SREBF1: variants seen among roughly 807,000 people sequenced by gnomAD.
SREBF1 encodes the protein sterol regulatory element binding transcription factor 1.
Under a neutral mutation model 100.1 loss-of-function variants are expected in SREBF1, and 45 were observed. The ratio of observed to expected loss-of-function variants is 0.45; its 90% CI spans 0.35 to 0.58. The LOEUF (loss-of-function observed/expected upper bound fraction) is 0.58, where lower values mean the gene tolerates loss of function less well. Among genes scored for constraint, SREBF1 ranks in the 20% least tolerant of loss-of-function variants. SREBF1 has a pLI of 0.00. For synonymous variants in SREBF1, 657 were observed against 681.8 expected, an observed-to-expected ratio of 0.96 and a Z score of 0.57; for missense variants, 1,324 against 1,539.4, an observed-to-expected ratio of 0.86 and a Z score of 2.34.
intron 18 of SREBF1, chr17:17,813,084 T>A: frequency 1.7e-6 from 1 of 603,098 alleles, no homozygotes; most frequent in Non-Finnish European, 2.9e-6. Flanking sequence ...CCCCACTGAT[T>A]CCTTGTGAAA....
intron 1 of SREBF1, among the ~76,000 whole-genome samples, chr17:17,830,308 C>T (rs1257450937): frequency 6.6e-6 from 1 of 152,244 alleles, no homozygotes; most frequent in Non-Finnish European, 1.5e-5. Flanking sequence ...AGATTATAGG[C>T]GTGAGCCACT....
Position 17,816,205 on chromosome 17 carries a change from A to ACCCCCGCCACCCCACCC in SREBF1, c.2214+1_2214+2insGGGTGGGGTGGCGGGGG. 3 of 1,123,418 alleles carry ACCCCCGCCACCCCACCC rather than the reference A, an allele frequency of 2.7e-6. No homozygotes were observed. The highest frequency in any genetic ancestry group is 3.4e-6 in the Non-Finnish European group (3 of 883,182). The allele number at this position is 1,123,418 out of a possible 1,614,324, so 69.6% of individuals were successfully genotyped here. A position where few individuals can be genotyped will look rare whatever the true frequency, so the allele number is the denominator to read the frequency against. ...AAGCCCCCAGCCCCCCAACCCACTCACTGTCAGAAAATGCAAGGCCCGTGG... is the reference window on the plus strand; with the variant it reads ...AAGCCCCCAGCCCCCCAACCCACTCACCCCCGCCACCCCACCCCTGTCAGAAAATGCAAGGCCCGTGG... On this transcript the variant is annotated splice_donor_variant, in intron 11 of 18. Coordinates refer to ENST00000261646, the MANE Select transcript of SREBF1 (RefSeq NM_004176.5). LOFTEE classifies it high-confidence loss of function.
rs777420812 is a variant in SREBF1 at position 17,819,650 on chromosome 17, G to A, written c.599C>T (p.Ser200Phe). ...LASPPGVPPVSLHTQVQSVVP... is the reference protein window; with the variant it reads ...LASPPGVPPVFLHTQVQSVVP... Reference sequence around the variant, plus strand: ...CACACTCTGGACCTGGGTGTGCAAGGAGACGGGCGGGACCCCTGGCGGGGA... The same window carrying A: ...CACACTCTGGACCTGGGTGTGCAAGAAGACGGGCGGGACCCCTGGCGGGGA... Residue 200 changes from serine (S) to phenylalanine (F), a missense_variant, in exon 3 of 19, where the codon TCC becomes TTC. Coordinates refer to ENST00000261646, the MANE Select transcript of SREBF1 (RefSeq NM_004176.5). 1 of 1,612,538 alleles carries A rather than the reference G, an allele frequency of 6.2e-7. No individual in the cohort carries two copies. Among genetic ancestry groups the A allele is most frequent in the South Asian group, 1.1e-5 (1 of 91,020 alleles).
Position 17,815,296 on chromosome 17 carries a change from C to G in SREBF1, c.2417G>C (p.Arg806Pro). ...DPLAQVTQLFREHLLERALNC... is the reference protein window; with the variant it reads ...DPLAQVTQLFPEHLLERALNC... ...CAGTGCTCGCTCTAAGAGATGTTCC[C>G]GGAATAGCTGAGTCACCTGGGCCAG... Residue 806 changes from arginine (R) to proline (P), a missense_variant, in exon 13 of 19, where the codon CGG becomes CCG. Transcript: ENST00000261646. 6.2e-7 allele frequency: 1 copy of G among 1,613,606 alleles called. No individual in the cohort carries two copies. Among genetic ancestry groups the G allele is most frequent in the Non-Finnish European group, 8.5e-7 (1 of 1,179,966 alleles).
At chr17:17,830,657 G>C (rs921285030) in intron 1 of SREBF1, among the ~76,000 whole-genome samples, 1 of 152,196 alleles carries the variant, frequency 6.6e-6, no homozygotes, top group Non-Finnish European at 1.5e-5. Context: ...AACAGGGTTC[G>C]GGGTAGGCCA....
In SREBF1 at chr17:17,813,751, A is replaced by G; in HGVS notation, c.2920T>C (p.Cys974Arg). The stretch of plus-strand genomic sequence containing the variant: ...GTGCGCACCACAAGAAGCAGGTCAC[A>G]CAGGAACAGCTGCACGGCCTGGGGG... Reference protein sequence around the residue: ...SIDKAVQLFLCDLLLVVRTSL... With the variant: ...SIDKAVQLFLRDLLLVVRTSL... Residue 974 changes from cysteine (C) to arginine (R), a missense_variant, in exon 17 of 19, where the codon TGT (cysteine) becomes CGT (arginine). By Grantham distance (180) the Cys-to-Arg change is radical. Coordinates refer to ENST00000261646, the MANE Select transcript of SREBF1 (RefSeq NM_004176.5). The G allele has an allele frequency of 6.5e-7, 1 of 1,535,468 alleles. No individual in the cohort carries two copies. Among genetic ancestry groups the G allele is most frequent in the Non-Finnish European group, 8.7e-7 (1 of 1,146,792 alleles).
At position 17,817,133 on chromosome 17, in the gene SREBF1, C is replaced by T. The variant is rs1209320333; in HGVS notation, c.1610G>A (p.Gly537Asp). The T allele has an allele frequency of 1.2e-6, 2 of 1,613,144 alleles. No homozygotes were observed. Among genetic ancestry groups the T allele is most frequent in the South Asian group, 1.1e-5 (1 of 91,090 alleles). Residue 537 changes from glycine to aspartate, a missense_variant, in exon 9 of 19, where the codon GGC (glycine) becomes GAC (aspartate). Physicochemically the swap from Gly to Asp is moderately conservative, Grantham distance 94. Transcript: ENST00000261646. This position sits in a 1 kb window ranked among gnomAD's most constrained non-coding sequence, Gnocchi z 6.6. ...CAGCAGCCACTGGGCCCAGCCAGGG[C>T]CATCTATGGACAGAGGGAAAGCTGG... ...RNVLGTESRD[G>D]PGWAQWLLPP...
At chr17:17,821,576 C>A (rs928234718) in intron 1 of SREBF1, among the ~76,000 whole-genome samples, 1 of 152,194 alleles carries the variant, frequency 6.6e-6, no homozygotes, top group Admixed American at 6.5e-5. Context: ...TTAGAAACTG[C>A]TGAGGAGTGG....
rs764189077 is a variant in SREBF1 at position 17,816,493 on chromosome 17, G to T, written c.2011C>A (p.Leu671Met). The T allele has an allele frequency of 5.2e-5, 84 of 1,605,344 alleles. No individual in the cohort carries two copies. Among genetic ancestry groups the T allele is most frequent in the Non-Finnish European group, 6.7e-5 (79 of 1,176,850 alleles). The change falls in exon 10 of 19, where the codon CTG (leucine) becomes ATG (methionine). Residue 671 changes from leucine (L) to methionine (M), a missense_variant. Physicochemically the swap from Leu to Met is conservative, Grantham distance 15. Transcript: ENST00000261646. ...AGCTGGTGCAGCTTATGGTAGACCAGGGCTGCGTCTCGGGCGCTGGCGCTA... is the reference window on the plus strand; with the variant it reads ...AGCTGGTGCAGCTTATGGTAGACCATGGCTGCGTCTCGGGCGCTGGCGCTA... Reference protein sequence around the residue: ...DASASARDAALVYHKLHQLHT... With the variant: ...DASASARDAAMVYHKLHQLHT...
intron 12 of SREBF1, 187 bp from the exon 13 acceptor site, chr17:17,815,516 T>G (rs2033465676): frequency 3.3e-6 from 2 of 606,478 alleles, no homozygotes; most frequent in Non-Finnish European, 5.9e-6. Context: ...AGCACCAGCC[T>G]TGGCCAGGAG....
Position 17,821,144 on chromosome 17 carries a change from C to CACACACAT in SREBF1, c.92-631_92-624dup, listed in dbSNP as rs1485265553. On this transcript the variant is annotated intron_variant, in intron 1 of 18. Transcript: ENST00000261646. ...TCTACAAGACATCCACCTCTGAGTCCACACACATACACACACACACACACA... is the reference window on the plus strand; with the variant it reads ...TCTACAAGACATCCACCTCTGAGTCCACACACATACACACATACACACACACACACACA... 3.7e-5 allele frequency among the ~76,000 whole-genome samples: 4 copies of CACACACAT among 108,090 alleles called. No homozygotes were observed. The South Asian group carries it at 9.3e-4, about 25-fold the overall frequency. 70.9% of individuals were successfully genotyped at this position (108,090 alleles called of 152,430 possible).
rs781307821 is a variant in SREBF1 at position 17,811,963 on chromosome 17, A to AGTT, written c.*656_*658dup. On this transcript the variant is annotated 3_prime_UTR_variant, in exon 19 of 19. Coordinates refer to ENST00000261646, the MANE Select transcript of SREBF1 (RefSeq NM_004176.5). The stretch of plus-strand genomic sequence containing the variant: ...AAACATCGGGAAGAGCTAAGTTAAA[A>AGTT]GTTGTGTACCTTGTGGCCGGAGGGG... 1.1e-5 allele frequency: 5 copies of AGTT among 447,608 alleles called. No homozygotes were observed. Among genetic ancestry groups the AGTT allele is most frequent in the Middle Eastern group, 3.3e-4 (1 of 3,050 alleles). 27.7% of individuals were successfully genotyped at this position (447,608 alleles called of 1,614,324 possible).
Position 17,813,410 on chromosome 17 carries a change from C to G in SREBF1, c.3172G>C (p.Asp1058His), listed in dbSNP as rs373292777. 5 of 1,602,174 alleles carry G rather than the reference C, an allele frequency of 3.1e-6. No individual in the cohort carries two copies. Among genetic ancestry groups the G allele is most frequent in the African/African-American group, 2.7e-5 (2 of 74,690 alleles). ...CCTGCCCGCCGCCTCAGACTGCGGT[C>G]GAGGAGCTGGTGTGTCCGTGTGGGG... ...ASPTRTHQLL[D>H]RSLRRRAGPG... Residue 1058 changes from aspartate to histidine, a missense_variant, in exon 18 of 19, where the codon GAC (aspartate) becomes CAC (histidine). By Grantham distance (81) the Asp-to-His change is moderately conservative. Coordinates refer to ENST00000261646, the MANE Select transcript of SREBF1 (RefSeq NM_004176.5).
chr17:17,823,967 C>T (rs2034321078), intron 1 of SREBF1, among the ~76,000 whole-genome samples: 1 of 152,148 alleles, frequency 6.6e-6, no homozygotes, highest in East Asian at 1.9e-4. Flanking sequence ...CCGCCCCCTT[C>T]GTTAAAGGGT....
chr17:17,833,772 C>A (rs551561906), intron 1 of SREBF1, among the ~76,000 whole-genome samples: 1 of 152,080 alleles, frequency 6.6e-6, no homozygotes, highest in Admixed American at 6.5e-5. Context: ...ATCACCTGAG[C>A]TCAGGAGTTC....
chr17:17,816,887 AG>A (rs2033649534), intron 9 of SREBF1, 70 bp downstream of exon 9: 3 of 1,604,350 alleles, frequency 1.9e-6, no homozygotes, highest in East Asian at 4.5e-5. Context: ...AGCAGGAACA[AG>A]GGTTGACACC....
At chr17:17,818,924 A>G in intron 5 of SREBF1, 89 bp downstream of exon 5, 1 of 1,439,692 alleles carries the variant, frequency 6.9e-7, no homozygotes, top group South Asian at 1.1e-5. Flanking sequence ...GTCCAGGCTC[A>G]GTCTCACTCC....
In SREBF1 at chr17:17,811,770, G is replaced by A. The variant is rs973462113; in HGVS notation, c.*852C>T. 4.4e-6 allele frequency: 2 copies of A among 454,554 alleles called. No homozygotes were observed. Among genetic ancestry groups the A allele is most frequent in the Non-Finnish European group, 8.8e-6 (2 of 226,246 alleles). The allele number at this position is 454,554 out of a possible 1,614,324, so 28.2% of individuals were successfully genotyped here. ...GTCCTGGAAGTCAGTCCATCCTCCC[G>A]TGCCACCCAGGGACCTGATGGGGAC... On this transcript the variant is annotated 3_prime_UTR_variant, in exon 19 of 19. Coordinates refer to ENST00000261646, the MANE Select transcript of SREBF1 (RefSeq NM_004176.5).
chr17:17,829,154 C>A (rs1237760745), intron 1 of SREBF1, among the ~76,000 whole-genome samples: 1 of 144,284 alleles, frequency 6.9e-6, no homozygotes, highest in Non-Finnish European at 1.5e-5. Context: ...GATTGTACCA[C>A]TGCACTCCAG....
Sources: gnomAD v4.1 joint callset for allele counts (sites outside exome capture counted in the v4.1 genomes callset) on GRCh38, gnomAD v4.1.1 for gene constraint, Gnocchi (gnomAD v3.1) non-coding constraint, MANE v1.5 for transcripts, NCBI Gene and HGNC (gene_info 2026-07-23, HGNC 2026-07-21) for gene names.